CLCNKB: variants seen among roughly 807,000 people sequenced by gnomAD.
The protein encoded by CLCNKB is chloride voltage-gated channel Kb.
A neutral mutation model predicts 83.8 loss-of-function variants in CLCNKB; 74 were observed. The observed-to-expected ratio is 0.88, with a 90% CI of 0.73 to 1.07. The LOEUF (loss-of-function observed/expected upper bound fraction) is 1.07, where lower values mean the gene tolerates loss of function less well. CLCNKB is among the 50% of genes least tolerant of loss of function. CLCNKB has a pLI of 0.00. For synonymous variants in CLCNKB, 358 were observed against 356.6 expected (o/e 1.00, Z -0.04); for missense variants, 798 against 893.6 (o/e 0.89, Z 1.36).
chr1:16,050,670 C>G, intron 11 of CLCNKB, 70 bp downstream of exon 11: 1 of 1,537,634 alleles, frequency 6.5e-7, no homozygotes, highest in Non-Finnish European at 9.0e-7. Flanking sequence ...GTGTATCTCA[C>G]TTAATCCCCC....
intron 5 of CLCNKB, 21 bp from the exon 6 acceptor site, chr1:16,048,322 G>C: frequency 1.2e-6 from 2 of 1,613,788 alleles, no homozygotes; most frequent in Non-Finnish European, 8.5e-7. Flanking sequence ...CTGGGCCCTG[G>C]GCCCACCCTT....
intron 2 of CLCNKB, among the ~76,000 whole-genome samples, chr1:16,045,303 C>T (rs1377421575): frequency 3.3e-5 from 5 of 152,288 alleles, no homozygotes; most frequent in Middle Eastern, 3.4e-3. Context: ...GGCAGGGATG[C>T]GGAGGGTCGG....
chr1:16,051,099 G>A, intron 12 of CLCNKB, 51 bp downstream of exon 12: 1 of 1,608,178 alleles, frequency 6.2e-7, no homozygotes, highest in East Asian at 2.2e-5. Context: ...AGCTCTGGTG[G>A]TGGTGGGGGG....
At chr1:16,049,508 G>A in intron 8 of CLCNKB, 110 bp from the exon 9 acceptor site, 1 of 1,458,882 alleles carries the variant, frequency 6.9e-7, no homozygotes, top group South Asian at 1.2e-5. Context: ...CCAGGACACA[G>A]ATTCCGAGTC....
chr1:16,050,582 C>T lies in CLCNKB; in HGVS notation c.1035C>T (p.Gly345=), dbSNP rs1424146303. 1.9e-6 allele frequency: 3 copies of T among 1,614,078 alleles called. No homozygotes were observed. The highest frequency in any genetic ancestry group is 2.5e-6 in the Non-Finnish European group (3 of 1,180,000). ...LASITYPPSA[G]RFLASRLSMK... ...CCATCACCTACCCACCCAGCGCCGG[C>T]CGCTTCCTAGCTTCTCGGGTAAGGG... Residue 345 remains glycine, a synonymous_variant, in exon 11 of 20, where the codon GGC becomes GGT. Coordinates refer to ENST00000375679, the MANE Select transcript of CLCNKB (RefSeq NM_000085.5).
intron 14 of CLCNKB, 142 bp from the exon 15 acceptor site, chr1:16,052,056 A>C (rs2023311378): frequency 8.8e-7 from 1 of 1,135,402 alleles, no homozygotes; most frequent in East Asian, 2.5e-5. Context: ...CACCAAGCCC[A>C]GGCACTGGGC....
At chr1:16,050,635 A>G in intron 11 of CLCNKB, 35 bp downstream of exon 11, 1 of 1,603,278 alleles carries the variant, frequency 6.2e-7, no homozygotes, top group Non-Finnish European at 8.5e-7. Context: ...AGGAGTGGGG[A>G]AGCCCTATTT....
At chr1:16,050,010 C>T in intron 10 of CLCNKB, 94 bp downstream of exon 10, 1 of 717,388 alleles carries the variant, frequency 1.4e-6, no homozygotes, top group South Asian at 1.5e-5. Flanking sequence ...GCCACCTGAG[C>T]CCCTAAAGCC....
In CLCNKB at chr1:16,051,765, C is replaced by CATCGTGGCTGGAGGGATCACCA; in HGVS notation, c.1357_1378dup (p.Pro460ArgfsTer69). 1 of 1,613,954 alleles carries CATCGTGGCTGGAGGGATCACCA rather than the reference C, an allele frequency of 6.2e-7. No individual in the cohort carries two copies. The highest frequency in any genetic ancestry group is 8.5e-7 in the Non-Finnish European group (1 of 1,179,980). ...CTCTCTCTTTTATCTTCCCTGAGGG[C>CATCGTGGCTGGAGGGATCACCA]ATCGTGGCTGGAGGGATCACCAATC... is the stretch of plus-strand genomic sequence containing the variant. On this transcript the variant is annotated frameshift_variant, in exon 14 of 20. Transcript: ENST00000375679. LOFTEE classifies it high-confidence loss of function.
intron 7 of CLCNKB, 191 bp from the exon 8 acceptor site, chr1:16,048,929 T>A (rs754507967): frequency 6.8e-6 from 10 of 1,466,140 alleles, no homozygotes; most frequent in Non-Finnish European, 9.0e-6. Context: ...CATTCCAGGC[T>A]GGACGGGTCT....
At chr1:16,048,183 A>C in intron 5 of CLCNKB, 139 bp downstream of exon 5, 2 of 1,426,478 alleles carry the variant, frequency 1.4e-6, no homozygotes, top group Non-Finnish European at 9.7e-7. Flanking sequence ...TTGGGGGAAG[A>C]GGCAGGCCAG....
intron 10 of CLCNKB, among the ~76,000 whole-genome samples, 161 bp from the exon 11 acceptor site, chr1:16,050,355 T>C (rs2023248353): frequency 6.6e-6 from 1 of 151,974 alleles, no homozygotes; most frequent in Admixed American, 6.5e-5. Context: ...TACCCAGGAG[T>C]GTGGGGCTGA....
chr1:16,050,982 G>T lies in CLCNKB; in HGVS notation c.1161G>T (p.Leu387=), dbSNP rs13306237. Residue 387 remains leucine, a synonymous_variant, in exon 12 of 20, where the codon CTG becomes CTT. Transcript: ENST00000375679. The stretch of plus-strand genomic sequence containing the variant: ...CCGAGGAGCTCGACCCCCAGCACCT[G>T]TGGTGGGAATGGTACCACCCGCGGT... ...PWPEELDPQH[L]WWEWYHPRFT... 4.7e-4 allele frequency: 747 copies of T among 1,603,416 alleles called. No homozygotes were observed. The East Asian group carries it at 7.5e-3, about 16-fold the overall frequency.
chr1:16,055,444 T>C lies in CLCNKB; in HGVS notation c.1766T>C (p.Ile589Thr). The change falls in exon 17 of 20, where the codon ATC becomes ACC. Residue 589 changes from isoleucine to threonine, a missense_variant. Coordinates refer to ENST00000375679, the MANE Select transcript of CLCNKB (RefSeq NM_000085.5). ...YPLVESTESQILVGIVRRAQL... is the reference protein window; with the variant it reads ...YPLVESTESQTLVGIVRRAQL... Reference sequence around the variant, plus strand: ...TCTCTCCACTTGCCAGAGTCCCAGATCCTGGTGGGCATAGTGCGAAGGGCC... The same window carrying C: ...TCTCTCCACTTGCCAGAGTCCCAGACCCTGGTGGGCATAGTGCGAAGGGCC... The C allele has an allele frequency of 1.2e-6, 2 of 1,613,078 alleles. No individual in the cohort carries two copies. Among genetic ancestry groups the C allele is most frequent in the Non-Finnish European group, 1.7e-6 (2 of 1,179,718 alleles).
chr1:16,055,072 T>C (rs1366251218), intron 16 of CLCNKB, among the ~76,000 whole-genome samples: 5 of 152,132 alleles, frequency 3.3e-5, no homozygotes, highest in Non-Finnish European at 7.3e-5. Flanking sequence ...ATGTGAAGCC[T>C]CTTGGGAAAT....
At chr1:16,048,633 A>G in intron 7 of CLCNKB, 51 bp downstream of exon 7, 1 of 1,604,310 alleles carries the variant, frequency 6.2e-7, no homozygotes, top group Non-Finnish European at 8.5e-7. Flanking sequence ...TCCTCCCCTC[A>G]CACCCTGGGC....
chr1:16,043,789 T>C lies in CLCNKB; in HGVS notation c.-99T>C, dbSNP rs1443761447. 1 of 152,180 alleles carries C rather than the reference T, an allele frequency of 6.6e-6. No individual in the cohort carries two copies. The highest frequency in any genetic ancestry group is 2.4e-5 in the African/African-American group (1 of 41,300). 9.4% of individuals were successfully genotyped at this position (152,180 alleles called of 1,614,324 possible). ...CCCAGGCGGGAAAGGGGGGAGGATG[T>C]TGATTGTTGGAACACACACCTGTCC... On this transcript the variant is annotated 5_prime_UTR_variant, in exon 1 of 20. Coordinates refer to ENST00000375679, the MANE Select transcript of CLCNKB (RefSeq NM_000085.5).
In CLCNKB at chr1:16,046,232, C is replaced by T. The variant is rs562908047; in HGVS notation, c.230-303C>T. 2.2e-4 allele frequency among the ~76,000 whole-genome samples: 33 copies of T among 152,322 alleles called. 1 individual carries two copies. The highest frequency in any genetic ancestry group is 4.6e-4 in the Admixed American group (7 of 15,302). On this transcript the variant is annotated intron_variant, in intron 3 of 19. Transcript: ENST00000375679. ...TTCTCAGTGGCCCTTTAGTCTTTAA[C>T]GTCTTTAGTCTTCAATGAGCCTGTG...
intron 15 of CLCNKB, among the ~76,000 whole-genome samples, chr1:16,053,380 C>T (rs1347526339): frequency 6.6e-6 from 1 of 152,148 alleles, no homozygotes. Context: ...CTGGGTAAAA[C>T]AGGCTAAAGT....
Sources: allele counts gnomAD v4.1 joint callset (sites outside exome capture counted in the v4.1 genomes callset), GRCh38; gene constraint gnomAD v4.1.1; transcripts MANE v1.5; gene names NCBI Gene and HGNC (gene_info 2026-07-23, HGNC 2026-07-21).